Variants in LSM7 observed in about 807,000 individuals in gnomAD.
The protein encoded by LSM7 is U6 snRNA-associated Sm-like protein LSm7.
In LSM7, 13 loss-of-function variants were observed where a neutral mutation model predicts 14.1. That is an observed-to-expected ratio of 0.92 (90% CI 0.60 to 1.47). LSM7 has a LOEUF of 1.47. LSM7 is among the 40% of genes most tolerant of loss of function. The pLI is 0.00. For synonymous variants in LSM7, 70 were observed against 57.1 expected, an observed-to-expected ratio of 1.23 and a Z score of -1.02; for missense variants, 108 against 140.8, an observed-to-expected ratio of 0.77 and a Z score of 1.18.
At chr19:2,325,425 C>A (rs993744248) in intron 2 of LSM7, among the ~76,000 whole-genome samples, 21 of 151,866 alleles carry the variant, frequency 1.4e-4, no homozygotes, top group African/African-American at 4.4e-4. Context: ...TTACCCCTGT[C>A]ATCTTTCAGG....
intron 2 of LSM7, among the ~76,000 whole-genome samples, chr19:2,327,572 CTGTGGCCCAGGCTGGAGTGCAGTGG>C (rs1968057144): frequency 6.6e-6 from 1 of 152,172 alleles, no homozygotes; most frequent in African/African-American, 2.4e-5. Context: ...GGGCCTTGCT[CTGTGGCCCAGGCTGGAGTGCAGTGG>C]TGCGGTCATA....
chr19:2,327,707 A>G (rs1332313243), intron 2 of LSM7, among the ~76,000 whole-genome samples: 4 of 152,144 alleles, frequency 2.6e-5, no homozygotes, highest in Non-Finnish European at 5.9e-5. Flanking sequence ...CGGCTGGGGC[A>G]CTGTGATTTT....
chr19:2,323,953 G>A (rs944299375), intron 3 of LSM7, among the ~76,000 whole-genome samples, 172 bp downstream of exon 3: 18 of 152,232 alleles, frequency 1.2e-4, no homozygotes, highest in South Asian at 1.0e-3. Context: ...TCCATCGGCC[G>A]CCACGAGGCT....
intron 2 of LSM7, among the ~76,000 whole-genome samples, chr19:2,325,620 C>T (rs1968002634): frequency 6.6e-6 from 1 of 151,978 alleles, no homozygotes; most frequent in African/African-American, 2.4e-5. Context: ...CCGTCCACGG[C>T]TGCTCCACAC....
chr19:2,324,504 C>T, intron 2 of LSM7: 2 of 433,990 alleles, frequency 4.6e-6, no homozygotes, highest in Non-Finnish European at 8.5e-6. Context: ...CCATGTGTGG[C>T]TGAACTGCGG....
chr19:2,327,423 A>G (rs1215987549), intron 2 of LSM7, among the ~76,000 whole-genome samples: 1 of 152,048 alleles, frequency 6.6e-6, no homozygotes, highest in East Asian at 1.9e-4. Flanking sequence ...TTTGTATTTT[A>G]GTAGAGACAG....
At chr19:2,322,151 G>A (rs1211601919) in intron 3 of LSM7, among the ~76,000 whole-genome samples, 1 of 152,190 alleles carries the variant, frequency 6.6e-6, no homozygotes, top group Non-Finnish European at 1.5e-5. Flanking sequence ...CCGGGAACCA[G>A]GTTATCAGAT....
Position 2,328,494 on chromosome 19 carries a change from G to A in LSM7, c.7-17C>T. On this transcript the variant is annotated splice_polypyrimidine_tract_variant and intron_variant, in intron 1 of 3. Transcript: ENST00000252622. Reference sequence around the variant, plus strand: ...CTCCTTATCCTGCGGGGAAAGCAGAGCGCATGAGACCTGGAGCGCGGCCCG... The same window carrying A: ...CTCCTTATCCTGCGGGGAAAGCAGAACGCATGAGACCTGGAGCGCGGCCCG... 1 of 1,613,406 alleles carries A rather than the reference G, an allele frequency of 6.2e-7. No individual in the cohort carries two copies. The highest frequency in any genetic ancestry group is 1.1e-5 in the South Asian group (1 of 91,032).
chr19:2,327,199 C>T (rs1968043258), intron 2 of LSM7, among the ~76,000 whole-genome samples: 1 of 152,238 alleles, frequency 6.6e-6, no homozygotes, highest in Non-Finnish European at 1.5e-5. Context: ...CGGCCGCTCA[C>T]TCATGTCCTT....
chr19:2,328,231 C>T (rs1008720740), intron 2 of LSM7, 156 bp downstream of exon 2: 10 of 657,520 alleles, frequency 1.5e-5, no homozygotes, highest in Non-Finnish European at 2.5e-5. Context: ...GATCGCACCA[C>T]TGCACTCCAG....
At position 2,321,934 on chromosome 19, in the gene LSM7, G is replaced by A. The variant is rs974721295; in HGVS notation, c.170-112C>T. 1.2e-4 allele frequency: 117 copies of A among 1,009,900 alleles called. No homozygotes were observed. The highest frequency in any genetic ancestry group is 1.4e-4 in the Non-Finnish European group (107 of 764,494). The allele number at this position is 1,009,900 out of a possible 1,614,324, so 62.6% of individuals were successfully genotyped here. ...CCCACCTGCACCCTGCAGGCGCCAC[G>A]AGCACGCAGGGACCTCAGACGGGAT... On this transcript the variant is annotated intron_variant, in intron 3 of 3. Transcript: ENST00000252622. This position sits in a 1 kb window ranked among gnomAD's most constrained non-coding sequence, Gnocchi z 5.0.
intron 3 of LSM7, among the ~76,000 whole-genome samples, chr19:2,322,106 G>A (rs1026137753): frequency 5.9e-5 from 9 of 152,288 alleles, no homozygotes; most frequent in South Asian, 2.1e-4. Context: ...CGGCTACCCC[G>A]CGTCTCAGAG....
intron 2 of LSM7, among the ~76,000 whole-genome samples, chr19:2,326,805 C>T (rs933558364): frequency 7.9e-5 from 12 of 152,360 alleles, no homozygotes; most frequent in African/African-American, 2.6e-4. Context: ...TCCCACTGGC[C>T]CGAATAACTG....
In LSM7 at chr19:2,321,758, G is replaced by A; in HGVS notation, c.234C>T (p.Gly78=). ...GCGGGCAGATTAGCACCACGGACGTGCCCCGGCACACCACGAGGCCCAGCT... is the reference window on the plus strand; with the variant it reads ...GCGGGCAGATTAGCACCACGGACGTACCCCGGCACACCACGAGGCCCAGCT... ...TRQLGLVVCR[G]TSVVLICPQD... The change falls in exon 4 of 4, where the codon GGC becomes GGT. Residue 78 remains glycine, a synonymous_variant. Transcript: ENST00000252622. This position sits in a 1 kb window ranked among gnomAD's most constrained non-coding sequence, Gnocchi z 5.0. The A allele has an allele frequency of 1.3e-6, 2 of 1,561,578 alleles. No homozygotes were observed. Among genetic ancestry groups the A allele is most frequent in the Non-Finnish European group, 1.7e-6 (2 of 1,154,128 alleles).
rs138046448 is a variant in LSM7 at position 2,323,600 on chromosome 19, G to A, written c.169+525C>T. Among the ~76,000 whole-genome samples the A allele has an allele frequency of 3.0e-3, 451 of 152,204 alleles. 4 individuals are homozygous for A. The highest frequency in any genetic ancestry group is 4.0e-3 in the African/African-American group (166 of 41,540). ...CGAGCAGCTGGGATTACAGGCATGCGCCACCACACCCAGCAATTTTTTTGC... is the reference window on the plus strand; with the variant it reads ...CGAGCAGCTGGGATTACAGGCATGCACCACCACACCCAGCAATTTTTTTGC... On this transcript the variant is annotated intron_variant, in intron 3 of 3. Coordinates refer to ENST00000252622, the MANE Select transcript of LSM7 (RefSeq NM_016199.3).
intron 2 of LSM7, chr19:2,324,401 A>G (rs995415702): frequency 2.1e-5 from 12 of 571,762 alleles, no homozygotes; most frequent in African/African-American, 3.7e-5. Context: ...GCGGGGGGCC[A>G]GATGGCAAAC....
At chr19:2,323,474 G>C (rs1021248780) in intron 3 of LSM7, among the ~76,000 whole-genome samples, 1 of 151,998 alleles carries the variant, frequency 6.6e-6, no homozygotes, top group South Asian at 2.1e-4. Context: ...TTTTTGAGAC[G>C]GAGTCTCACT....
intron 2 of LSM7, 161 bp from the exon 3 acceptor site, chr19:2,324,357 G>T: frequency 1.6e-6 from 1 of 625,982 alleles, no homozygotes; most frequent in Non-Finnish European, 2.9e-6. Context: ...GCCGCCTCCA[G>T]AGTGATCTCC....
chr19:2,328,556 C>T lies in LSM7; in HGVS notation c.6+5G>A. The T allele has an allele frequency of 6.3e-7, 1 of 1,593,610 alleles. No homozygotes were observed. The highest frequency in any genetic ancestry group is 8.5e-7 in the Non-Finnish European group (1 of 1,171,298). The stretch of plus-strand genomic sequence containing the variant: ...CCCCGGCTCCAGATTCCGCCGCGCG[C>T]TCACCGCCATCTTGTCGCGCCGTGT... On this transcript the variant is annotated splice_donor_5th_base_variant and intron_variant, in intron 1 of 3. Coordinates refer to ENST00000252622, the MANE Select transcript of LSM7 (RefSeq NM_016199.3).
Sources: gnomAD v4.1 joint callset for allele counts (sites outside exome capture counted in the v4.1 genomes callset) on GRCh38, gnomAD v4.1.1 for gene constraint, Gnocchi (gnomAD v3.1) non-coding constraint, MANE v1.5 for transcripts, NCBI Gene and HGNC (gene_info 2026-07-23, HGNC 2026-07-21) for gene names.